The following MAPKAPK5 variants were observed in gnomAD, a reference collection of about 807,000 sequenced individuals.
MAPKAPK5 encodes the protein MAPK activated protein kinase 5.
Under a neutral mutation model 65.1 loss-of-function variants are expected in MAPKAPK5, and 30 were observed. That is an observed-to-expected ratio of 0.46 (90% confidence interval 0.34 to 0.63). The LOEUF (loss-of-function observed/expected upper bound fraction) is 0.63, where lower values mean the gene tolerates loss of function less well. MAPKAPK5 is among the 20% of genes least tolerant of loss of function. The pLI, the probability that MAPKAPK5 is intolerant of heterozygous loss-of-function variation, is 0.01. For synonymous variants in MAPKAPK5, 179 were observed against 204.6 expected, an observed-to-expected ratio of 0.87 and a Z score of 1.07; for missense variants, 433 against 581.4, an observed-to-expected ratio of 0.74 and a Z score of 2.63.
At chr12:111,843,474 C>G in intron 1 of MAPKAPK5, 1 of 389,692 alleles carries the variant, frequency 2.6e-6, no homozygotes, top group Non-Finnish European at 4.5e-6. Flanking sequence ...CCACTCAGGG[C>G]CAGTTATCTG....
chr12:111,847,320 C>T (rs535734816), intron 1 of MAPKAPK5, among the ~76,000 whole-genome samples: 1 of 148,118 alleles, frequency 6.8e-6, no homozygotes, highest in Non-Finnish European at 1.5e-5. Flanking sequence ...TGTACTCCAG[C>T]CTGGGCGACA....
intron 1 of MAPKAPK5, among the ~76,000 whole-genome samples, chr12:111,844,365 G>A (rs2068838002): frequency 6.6e-6 from 1 of 151,302 alleles, no homozygotes; most frequent in African/African-American, 2.4e-5. Flanking sequence ...TAATTTTTTT[G>A]TATTTTTAGT....
intron 1 of MAPKAPK5, among the ~76,000 whole-genome samples, chr12:111,845,560 A>G (rs1390488937): frequency 2.0e-5 from 3 of 151,866 alleles, no homozygotes; most frequent in Non-Finnish European, 4.4e-5. Context: ...CCCAGCTTAT[A>G]GGGTTTTTTG....
chr12:111,885,849 C>A, intron 9 of MAPKAPK5, 67 bp from the exon 10 acceptor site: 1 of 1,605,340 alleles, frequency 6.2e-7, no homozygotes, highest in South Asian at 1.1e-5. Flanking sequence ...AGAGCCAGGT[C>A]CAGGAACTTC....
Position 111,875,038 on chromosome 12 carries a change from A to G in MAPKAPK5, c.579+3858A>G, listed in dbSNP as rs919281980. 3.9e-5 allele frequency among the ~76,000 whole-genome samples: 6 copies of G among 152,168 alleles called. No homozygotes were observed. The East Asian group carries it at 9.7e-4, about 24-fold the overall frequency. ...ATGATCTGCCTACCTTGGCCTCCCA[A>G]AGTGCTGAGATTACAGGCGTGAGCC... On this transcript the variant is annotated intron_variant, in intron 7 of 13. Coordinates refer to ENST00000550735, the MANE Select transcript of MAPKAPK5 (RefSeq NM_003668.4).
At chr12:111,848,348 T>G (rs116433915) in intron 1 of MAPKAPK5, among the ~76,000 whole-genome samples, 157 of 152,292 alleles carry the variant, frequency 1.0e-3, no homozygotes, top group African/African-American at 3.7e-3. Flanking sequence ...GGACATCTTT[T>G]TGTGTGCAGA....
rs2070833699 is a variant in MAPKAPK5, at chr12:111,896,717, C to T, written c.*3656C>T. On this transcript the variant is annotated 3_prime_UTR_variant, in exon 14 of 14. Transcript: ENST00000550735. ...CTTACTAAAGCCATTACTGGTCAATCAGATACTTTTAGACTTTACCACAGT... is the reference window on the plus strand; with the variant it reads ...CTTACTAAAGCCATTACTGGTCAATTAGATACTTTTAGACTTTACCACAGT... 1 of 152,216 alleles carries T rather than the reference C, an allele frequency of 6.6e-6. No individual in the cohort carries two copies. The highest frequency in any genetic ancestry group is 6.5e-5 in the Admixed American group (1 of 15,280). 9.4% of individuals were successfully genotyped at this position (152,216 alleles called of 1,614,324 possible).
At chr12:111,872,637 T>C (rs2069819863) in intron 7 of MAPKAPK5, among the ~76,000 whole-genome samples, 1 of 152,232 alleles carries the variant, frequency 6.6e-6, no homozygotes, top group Non-Finnish European at 1.5e-5. Flanking sequence ...TACTCAGTGC[T>C]ATAATCAAGG....
Position 111,900,254 on chromosome 12 carries a change from G to A in MAPKAPK5, c.*7193G>A. On this transcript the variant is annotated 3_prime_UTR_variant, in exon 14 of 14. Transcript: ENST00000550735. Reference sequence around the variant, plus strand: ...TGATCGTTGGGCATCACCCTGGACAGAATATGGGCCAGGCCTTTCTCAGTG... The same window carrying A: ...TGATCGTTGGGCATCACCCTGGACAAAATATGGGCCAGGCCTTTCTCAGTG... 2.2e-6 allele frequency: 1 copy of A among 456,030 alleles called. No homozygotes were observed. Among genetic ancestry groups the A allele is most frequent in the Non-Finnish European group, 4.4e-6 (1 of 226,806 alleles). The allele number at this position is 456,030 out of a possible 1,614,324, so 28.2% of individuals were successfully genotyped here.
intron 7 of MAPKAPK5, among the ~76,000 whole-genome samples, chr12:111,872,910 C>G (rs2069830422): frequency 6.6e-6 from 1 of 152,014 alleles, no homozygotes; most frequent in Admixed American, 6.6e-5. Flanking sequence ...TAAAATAATC[C>G]CAGGGATTAT....
intron 1 of MAPKAPK5, among the ~76,000 whole-genome samples, chr12:111,848,760 C>T (rs371469598): frequency 1.4e-3 from 206 of 151,532 alleles, no homozygotes; most frequent in African/African-American, 4.8e-3. Context: ...GATGGAGTCT[C>T]GCTTTGTCAC....
intron 1 of MAPKAPK5, among the ~76,000 whole-genome samples, chr12:111,856,568 G>T (rs1176768559): frequency 6.6e-6 from 1 of 151,780 alleles, no homozygotes; most frequent in East Asian, 1.9e-4. Context: ...CACCATGCCT[G>T]TCTAATTTTT....
intron 2 of MAPKAPK5, 146 bp downstream of exon 2, chr12:111,865,469 T>C: frequency 1.6e-6 from 1 of 636,218 alleles, no homozygotes; most frequent in Non-Finnish European, 2.8e-6. Flanking sequence ...GGTTTTTATG[T>C]TAGGCTTTTT....
At chr12:111,874,205 G>A (rs2069877248) in intron 7 of MAPKAPK5, among the ~76,000 whole-genome samples, 1 of 151,818 alleles carries the variant, frequency 6.6e-6, no homozygotes, top group South Asian at 2.1e-4. Context: ...GACCAGCCTG[G>A]CTGCCATGGT....
rs560491187 is a variant in MAPKAPK5, at chr12:111,874,234, A to G, written c.579+3054A>G. 1.7e-4 allele frequency among the ~76,000 whole-genome samples: 26 copies of G among 151,784 alleles called. No individual in the cohort carries two copies. In the South Asian group the frequency reaches 5.2e-3, roughly 30 times the overall value. ...CCATGGTGAAACCCCATCTTTACTA[A>G]AAATACAAAAATTTGCTGGGCGTAG... On this transcript the variant is annotated intron_variant, in intron 7 of 13. Coordinates refer to ENST00000550735, the MANE Select transcript of MAPKAPK5 (RefSeq NM_003668.4).
chr12:111,881,970 G>C (rs1038122769), intron 8 of MAPKAPK5, among the ~76,000 whole-genome samples: 1 of 152,188 alleles, frequency 6.6e-6, no homozygotes, highest in African/African-American at 2.4e-5. Flanking sequence ...TGCAGTATTA[G>C]TTCCCTTTCT....
chr12:111,856,650 A>G (rs1342330294), intron 1 of MAPKAPK5, among the ~76,000 whole-genome samples: 1 of 151,602 alleles, frequency 6.6e-6, no homozygotes, highest in African/African-American at 2.4e-5. Flanking sequence ...CAGGTGATCC[A>G]CCTGCCTTGG....
chr12:111,883,784 G>A lies in MAPKAPK5; in HGVS notation c.848+16G>A. 1 of 1,609,350 alleles carries A rather than the reference G, an allele frequency of 6.2e-7. No individual in the cohort carries two copies. Among genetic ancestry groups the A allele is most frequent in the Non-Finnish European group, 8.5e-7 (1 of 1,177,974 alleles). ...TTGTGAGGAAGTGAGTTCACGGGCT[G>A]CTGGGCATGGAGGCCAAGGAGGCCT... On this transcript the variant is annotated intron_variant, in intron 9 of 13. Coordinates refer to ENST00000550735, the MANE Select transcript of MAPKAPK5 (RefSeq NM_003668.4). This position sits in a 1 kb window ranked among gnomAD's most constrained non-coding sequence, Gnocchi z 4.8.
chr12:111,847,207 G>C (rs551866160), intron 1 of MAPKAPK5, among the ~76,000 whole-genome samples: 2 of 151,972 alleles, frequency 1.3e-5, no homozygotes, highest in African/African-American at 4.8e-5. Flanking sequence ...AATTAGCTGG[G>C]TGTGGTGGCA....
Sources: allele counts gnomAD v4.1 joint callset (sites outside exome capture counted in the v4.1 genomes callset), GRCh38; gene constraint gnomAD v4.1.1; non-coding constraint Gnocchi (gnomAD v3.1); transcripts MANE v1.5; gene names NCBI Gene and HGNC (gene_info 2026-07-23, HGNC 2026-07-21).